Variants in COL28A1 observed in about 807,000 individuals in gnomAD.
COL28A1 encodes collagen alpha-1(XXVIII) chain.
A neutral mutation model predicts 150.2 loss-of-function variants in COL28A1; 161 were observed. The ratio of observed to expected loss-of-function variants is 1.07; its 90% CI spans 0.94 to 1.22. COL28A1 has a LOEUF of 1.22. Ranked by LOEUF, COL28A1 falls within the 50% of genes most tolerant of loss-of-function variation. COL28A1 has a pLI of 0.00. For missense variants in COL28A1, 1,617 were observed against 1,388.3 expected, an observed-to-expected ratio of 1.16 and a Z score of -2.62; for synonymous variants, 552 against 469.7, an observed-to-expected ratio of 1.18 and a Z score of -2.26.
intron 27 of COL28A1, among the ~76,000 whole-genome samples, chr7:7,393,730 C>G (rs1782678073): frequency 6.6e-6 from 1 of 152,172 alleles, no homozygotes; most frequent in Non-Finnish European, 1.5e-5. Flanking sequence ...ATTGGGACTT[C>G]CCCGCAACTT....
chr7:7,369,398 T>C (rs779798701), intron 33 of COL28A1, among the ~76,000 whole-genome samples: 1 of 152,280 alleles, frequency 6.6e-6, no homozygotes, highest in Admixed American at 6.5e-5. Context: ...TCTATGGCTA[T>C]GTTTCTACTT....
chr7:7,394,378 C>G (rs1782723114), intron 27 of COL28A1, among the ~76,000 whole-genome samples: 1 of 152,216 alleles, frequency 6.6e-6, no homozygotes, highest in Non-Finnish European at 1.5e-5. Flanking sequence ...TGTTCCTATT[C>G]AGCCATCTTG....
intron 27 of COL28A1, among the ~76,000 whole-genome samples, chr7:7,387,443 T>C (rs1782257163): frequency 1.3e-5 from 2 of 152,174 alleles, no homozygotes. Context: ...TAAATAGTAT[T>C]ATATCAATAA....
the COL28A1 span, among the ~76,000 whole-genome samples, chr7:7,350,371 A>G: frequency 6.6e-6 from 1 of 152,160 alleles, no homozygotes; most frequent in Admixed American, 6.6e-5. Context: ...GTGGAGGTGG[A>G]GAGTGAGACA....
chr7:7,389,111 G>C (rs1157641179), intron 27 of COL28A1, among the ~76,000 whole-genome samples: 1 of 151,972 alleles, frequency 6.6e-6, no homozygotes, highest in Non-Finnish European at 1.5e-5. Context: ...TTTTCTTCTA[G>C]GGTTTTTTTT....
intron 6 of COL28A1, 85 bp from the exon 7 acceptor site, chr7:7,517,922 T>C (rs1299541310): frequency 6.4e-7 from 1 of 1,556,192 alleles, no homozygotes; most frequent in South Asian, 1.1e-5. Flanking sequence ...AGAAGATTAA[T>C]AGCTTAGCCC....
At chr7:7,465,961 C>A (rs1228014554) in intron 15 of COL28A1, among the ~76,000 whole-genome samples, 1 of 58,532 alleles carries the variant, frequency 1.7e-5, no homozygotes, top group African/African-American at 7.2e-5. Context: ...CTGTACATCA[C>A]CATCATCAAA....
Position 7,461,373 on chromosome 7 carries a change from G to A in COL28A1, c.1303-5261C>T, listed in dbSNP as rs146723205. On this transcript the variant is annotated intron_variant, in intron 15 of 34. Coordinates refer to ENST00000399429, the MANE Select transcript of COL28A1 (RefSeq NM_001037763.3). ...AATTCTGTAATAATTTCAACAGATT[G>A]AGAAGTCTCCTGGCCAGAACTCAGG... 3.9e-5 allele frequency among the ~76,000 whole-genome samples: 6 copies of A among 152,310 alleles called. No individual in the cohort carries two copies. The East Asian group carries it at 1.2e-3, about 29-fold the overall frequency.
At position 7,358,417 on chromosome 7, in the gene COL28A1, A is replaced by ATCTC; in HGVS notation, c.*215_*216insGAGA. On this transcript the variant is annotated 3_prime_UTR_variant, in exon 35 of 35. Transcript: ENST00000399429. ...CTCTGAAACTTTTTAGTTGGGTGACAGTTGACAAGTTACTAAACTTCTCAG... is the reference window on the plus strand; with the variant it reads ...CTCTGAAACTTTTTAGTTGGGTGACATCTCGTTGACAAGTTACTAAACTTCTCAG... 2.2e-6 allele frequency: 1 copy of ATCTC among 444,782 alleles called. No homozygotes were observed. The highest frequency in any genetic ancestry group is 4.1e-5 in the South Asian group (1 of 24,396). The allele number at this position is 444,782 out of a possible 1,614,324, so 27.6% of individuals were successfully genotyped here.
chr7:7,370,719 A>G lies in COL28A1; in HGVS notation c.3066+6T>C. 1 of 1,605,714 alleles carries G rather than the reference A, an allele frequency of 6.2e-7. No individual in the cohort carries two copies. Among genetic ancestry groups the G allele is most frequent in the Non-Finnish European group, 8.5e-7 (1 of 1,175,308 alleles). On this transcript the variant is annotated splice_donor_region_variant and intron_variant, in intron 33 of 34. Transcript: ENST00000399429. ...AGCTCACAAAGTAAGTGAGACAGTTACTTACTGACTCAGAAATTTCTTTTT... is the reference window on the plus strand; with the variant it reads ...AGCTCACAAAGTAAGTGAGACAGTTGCTTACTGACTCAGAAATTTCTTTTT...
Position 7,443,632 on chromosome 7 carries a change from C to T in COL28A1, c.1603G>A (p.Ala535Thr), listed in dbSNP as rs1217969423. Reference sequence around the variant, plus strand: ...CCAGGTGGTCCTTCTGGGCCTCTTGCTCCCGGAAGCCCCGCTTCTCCCTAG... The same window carrying T: ...CCAGGTGGTCCTTCTGGGCCTCTTGTTCCCGGAAGCCCCGCTTCTCCCTAG... ...GKKGEAGLPG[A>T]RGPEGPPGKG... The change falls in exon 20 of 35, where the codon GCA becomes ACA. Residue 535 changes from alanine (A) to threonine (T), a missense_variant. Transcript: ENST00000399429. The T allele has an allele frequency of 1.9e-6, 3 of 1,614,074 alleles. No homozygotes were observed. Among genetic ancestry groups the T allele is most frequent in the South Asian group, 2.2e-5 (2 of 91,084 alleles).
chr7:7,413,643 C>A (rs1008283462), intron 27 of COL28A1, among the ~76,000 whole-genome samples: 12 of 152,158 alleles, frequency 7.9e-5, no homozygotes, highest in African/African-American at 2.9e-4. Context: ...AACAGAAGAA[C>A]CATAAATGGA....
intron 27 of COL28A1, among the ~76,000 whole-genome samples, chr7:7,397,387 A>G (rs895009883): frequency 3.3e-5 from 5 of 152,046 alleles, no homozygotes; most frequent in Non-Finnish European, 7.4e-5. Context: ...AATCTCCCCA[A>G]CTCAGGATTC....
chr7:7,383,800 T>C (rs1394687953), intron 27 of COL28A1, among the ~76,000 whole-genome samples: 1 of 151,354 alleles, frequency 6.6e-6, no homozygotes, highest in Non-Finnish European at 1.5e-5. Context: ...GATGCACATT[T>C]AGGTTATTTC....
chr7:7,409,773 T>C (rs750142805), intron 27 of COL28A1, among the ~76,000 whole-genome samples: 6 of 152,218 alleles, frequency 3.9e-5, no homozygotes, highest in Non-Finnish European at 5.9e-5. Context: ...GCTTTTCCTT[T>C]TTGTTTCATG....
intron 11 of COL28A1, among the ~76,000 whole-genome samples, chr7:7,492,893 G>A (rs1382173281): frequency 4.0e-5 from 6 of 150,340 alleles, no homozygotes; most frequent in Non-Finnish European, 1.5e-5. Context: ...TAAGTTTTCT[G>A]AGCAGCCAGT....
At chr7:7,386,795 C>A (rs1450147698) in intron 27 of COL28A1, among the ~76,000 whole-genome samples, 1 of 152,146 alleles carries the variant, frequency 6.6e-6, no homozygotes, top group East Asian at 1.9e-4. Flanking sequence ...ACAGGTCCCA[C>A]AGGTCGCAGT....
chr7:7,425,069 TATAATAA>T (rs1290233529), intron 25 of COL28A1, among the ~76,000 whole-genome samples: 1 of 151,896 alleles, frequency 6.6e-6, no homozygotes, highest in African/African-American at 2.4e-5. Flanking sequence ...TTAAAACTAT[TATAATAA>T]ATAATAAATA....
chr7:7,520,665 G>C (rs1781672862), intron 5 of COL28A1, among the ~76,000 whole-genome samples: 1 of 152,190 alleles, frequency 6.6e-6, no homozygotes, highest in Non-Finnish European at 1.5e-5. Flanking sequence ...TTGCTTTTCT[G>C]AGAAATGGTG....
Sources: allele counts gnomAD v4.1 joint callset (sites outside exome capture counted in the v4.1 genomes callset), GRCh38; gene constraint gnomAD v4.1.1; transcripts MANE v1.5; gene names NCBI Gene and HGNC (gene_info 2026-07-23, HGNC 2026-07-21).